Variants in FGF8 observed in about 807,000 individuals in gnomAD.
The protein encoded by FGF8 is fibroblast growth factor 8, also known as androgen-induced growth factor.
FGF8 carries 12 observed loss-of-function variants against 29.7 expected under a neutral mutation model. That is an observed-to-expected ratio of 0.40 (90% CI 0.26 to 0.65). FGF8 has a LOEUF of 0.65. Among genes scored for constraint, FGF8 ranks in the 30% least tolerant of loss-of-function variants. The pLI is 0.37. For missense variants in FGF8, 271 were observed against 345.1 expected, an observed-to-expected ratio of 0.79 and a Z score of 1.70; for synonymous variants, 157 against 144.4, an observed-to-expected ratio of 1.09 and a Z score of -0.63.
chr10:101,770,207 AG>A lies in FGF8; in HGVS notation c.*121del, dbSNP rs781665974. 2.4e-5 allele frequency: 22 copies of A among 908,556 alleles called. No homozygotes were observed. Among genetic ancestry groups the A allele is most frequent in the Middle Eastern group, 3.6e-4 (1 of 2,810 alleles). The allele number at this position is 908,556 out of a possible 1,614,324, so 56.3% of individuals were successfully genotyped here. On this transcript the variant is annotated 3_prime_UTR_variant, in exon 6 of 6. Transcript: ENST00000320185. ...CAAACAATATCAACAACCGGAACCC[AG>A]GGCTCCCCCAGCACCTCCCCAGCCT...
At chr10:101,776,323 C>G (rs1411186694), upstream of FGF8, among the ~76,000 whole-genome samples, 2 of 75,698 alleles carry the variant, frequency 2.6e-5, no homozygotes, top group African/African-American at 5.2e-5. Context: ...GGGCGGCCGA[C>G]GGGTTCGGGA....
Position 101,771,032 on chromosome 10 carries a change from A to T in FGF8, c.445-413T>A, listed in dbSNP as rs552961535. Among the ~76,000 whole-genome samples the T allele has an allele frequency of 2.4e-4, 36 of 151,966 alleles. No individual in the cohort carries two copies. Among genetic ancestry groups the T allele is most frequent in the African/African-American group, 8.5e-4 (35 of 41,392 alleles). ...GCCTGGGAGAAGATGCTAAGACCCC[A>T]GCCCCAGAAGCCCAGGAAGTGGGGA... On this transcript the variant is annotated intron_variant, in intron 5 of 5. Coordinates refer to ENST00000320185, the MANE Select transcript of FGF8 (RefSeq NM_033163.5). The surrounding 1 kb of genome is among the most constrained non-coding windows in gnomAD (Gnocchi z 5.3).
Position 101,771,513 on chromosome 10 carries a change from C to T in FGF8, c.394G>A (p.Glu132Lys), listed in dbSNP as rs781019978. The change falls in exon 5 of 6, where the codon GAG becomes AAG. Residue 132 changes from glutamate (E) to lysine (K), a missense_variant. Glu to Lys is a moderately conservative substitution (Grantham distance 56). Around this residue, in one of 3 missense-constraint regions of FGF8, gnomAD observed 168 missense variants for 207.0 expected, o/e 0.81. Transcript: ENST00000320185. The surrounding 1 kb of genome is among the most constrained non-coding windows in gnomAD (Gnocchi z 5.3). ...TTCATGCAGATGTAGAGGCCCGTCT[C>T]GGCTCCTCGGACTCGAACTCTGCTT... ...FGSRVRVRGA[E>K]TGLYICMNKK... 9 of 1,614,222 alleles carry T rather than the reference C, an allele frequency of 5.6e-6. No homozygotes were observed. The highest frequency in any genetic ancestry group is 3.3e-5 in the Admixed American group (2 of 60,022).
At chr10:101,774,965 G>A in intron 3 of FGF8, 53 bp from the exon 4 acceptor site, 1 of 1,595,816 alleles carries the variant, frequency 6.3e-7, no homozygotes, top group Non-Finnish European at 8.6e-7. Context: ...ACTCCGCCCA[G>A]GGGCCCGAGT....
At position 101,772,272 on chromosome 10, in the gene FGF8, C is replaced by A. The variant is rs2065036842; in HGVS notation, c.338-703G>T. Among the ~76,000 whole-genome samples the A allele has an allele frequency of 6.6e-6, 1 of 152,254 alleles. No homozygotes were observed. The highest frequency in any genetic ancestry group is 6.5e-5 in the Admixed American group (1 of 15,286). On this transcript the variant is annotated intron_variant, in intron 4 of 5. Coordinates refer to ENST00000320185, the MANE Select transcript of FGF8 (RefSeq NM_033163.5). This position sits in a 1 kb window ranked among gnomAD's most constrained non-coding sequence, Gnocchi z 4.4. ...CCTGTGGCTTCCCAGTCACCAGGGT[C>A]CCCAGCCCAGTGTCTAGAAATCAAC...
At chr10:101,776,734 T>C (rs2065099564), upstream of FGF8, among the ~76,000 whole-genome samples, 1 of 151,946 alleles carries the variant, frequency 6.6e-6, no homozygotes, top group African/African-American at 2.4e-5. Flanking sequence ...TTCGGCCGCG[T>C]GCCCCGTCCT....
Position 101,774,083 on chromosome 10 carries a change from A to G in FGF8, c.337+649T>C, listed in dbSNP as rs540384726. 1.4e-4 allele frequency among the ~76,000 whole-genome samples: 22 copies of G among 152,342 alleles called. No homozygotes were observed. In the East Asian group the frequency reaches 3.5e-3, roughly 24 times the overall value. ...GGCTTGCTTTTCTCTTGGTACATCCAGGACTCTGGAAATTGGCCCCGTTTC... is the reference window on the plus strand; with the variant it reads ...GGCTTGCTTTTCTCTTGGTACATCCGGGACTCTGGAAATTGGCCCCGTTTC... On this transcript the variant is annotated intron_variant, in intron 4 of 5. Coordinates refer to ENST00000320185, the MANE Select transcript of FGF8 (RefSeq NM_033163.5).
In FGF8 at chr10:101,775,177, C is replaced by G. The variant is rs749761471; in HGVS notation, c.109G>C (p.Ala37Pro). 1.3e-6 allele frequency: 2 copies of G among 1,548,352 alleles called. No homozygotes were observed. Residue 37 changes from alanine to proline, a missense_variant, in exon 3 of 6, where the codon GCT becomes CCT. Around this residue, in one of 3 missense-constraint regions of FGF8, gnomAD observed 168 missense variants for 207.0 expected, o/e 0.81. Coordinates refer to ENST00000320185, the MANE Select transcript of FGF8 (RefSeq NM_033163.5). The surrounding 1 kb of genome is among the most constrained non-coding windows in gnomAD (Gnocchi z 4.6). ...GRGPALGREL[A>P]SLFRAGREPQ... ...TCCCGGCCAGCCCGGAACAGGGAAG[C>G]GAGCTCCCTGCCCAGCGCAGGGCCC... is the stretch of plus-strand genomic sequence containing the variant.
At position 101,770,481 on chromosome 10, in the gene FGF8, G is replaced by A. The variant is rs548987968; in HGVS notation, c.583C>T (p.Arg195Trp). 10 of 1,613,432 alleles carry A rather than the reference G, an allele frequency of 6.2e-6. No individual in the cohort carries two copies. The African/African-American group carries it at 6.7e-5, about 11-fold the overall frequency. Residue 195 changes from arginine (R) to tryptophan (W), a missense_variant, in exon 6 of 6, where the codon CGG becomes TGG. This residue lies in a region of FGF8 where 41 missense variants were observed against 80.0 expected (regional missense o/e 0.51). Coordinates refer to ENST00000320185, the MANE Select transcript of FGF8 (RefSeq NM_033163.5). ...AAGTGGACCTCACGCTGGTGCTGCC[G>A]CGTCTTGGAGCCCTTGCGGGGCCGG... is the stretch of plus-strand genomic sequence containing the variant. ...KGRPRKGSKT[R>W]QHQREVHFMK...
chr10:101,773,272 G>A (rs750540097), intron 4 of FGF8, among the ~76,000 whole-genome samples: 7 of 152,154 alleles, frequency 4.6e-5, no homozygotes, highest in African/African-American at 7.2e-5. Context: ...TTCCCTCCCC[G>A]AAATCCAAGG....
rs1049570220 is a variant in FGF8 at position 101,771,189 on chromosome 10, G to A, written c.444+274C>T. Among the ~76,000 whole-genome samples, 2 of 152,176 alleles carry A rather than the reference G, an allele frequency of 1.3e-5. No individual in the cohort carries two copies. Among genetic ancestry groups the A allele is most frequent in the Non-Finnish European group, 2.9e-5 (2 of 68,024 alleles). On this transcript the variant is annotated intron_variant, in intron 5 of 5. Transcript: ENST00000320185. This position sits in a 1 kb window ranked among gnomAD's most constrained non-coding sequence, Gnocchi z 5.3. ...GGACATAATAGCAAAGCAATTTGGC[G>A]ATTTGTTAAAAAGATATATGGAATT... is the stretch of plus-strand genomic sequence containing the variant.
At position 101,775,700 on chromosome 10, in the gene FGF8, C is replaced by G. The variant is rs1345311618; in HGVS notation, c.69+40G>C. The G allele has an allele frequency of 6.5e-7, 1 of 1,539,288 alleles. No individual in the cohort carries two copies. Among genetic ancestry groups the G allele is most frequent in the Non-Finnish European group, 8.7e-7 (1 of 1,144,178 alleles). On this transcript the variant is annotated intron_variant, in intron 2 of 5. Transcript: ENST00000320185. This position sits in a 1 kb window ranked among gnomAD's most constrained non-coding sequence, Gnocchi z 4.6. ...CGGCGCTGCCCACCCGGGTCTCACA[C>G]CGGCGCGCCCGGCCCCCGCCTCCGC...
intron 4 of FGF8, among the ~76,000 whole-genome samples, chr10:101,773,632 T>C (rs2065052126): frequency 6.6e-6 from 1 of 152,142 alleles, no homozygotes; most frequent in Non-Finnish European, 1.5e-5. Flanking sequence ...TCCTCCAGCT[T>C]TGAAGGGAAG....
rs2065042210 is a variant in FGF8, at chr10:101,772,793, T to G, written c.338-1224A>C. 6.6e-6 allele frequency among the ~76,000 whole-genome samples: 1 copy of G among 152,162 alleles called. No individual in the cohort carries two copies. On this transcript the variant is annotated intron_variant, in intron 4 of 5. Coordinates refer to ENST00000320185, the MANE Select transcript of FGF8 (RefSeq NM_033163.5). The surrounding 1 kb of genome is among the most constrained non-coding windows in gnomAD (Gnocchi z 4.4). ...CACACAGGCTCAGTGCTGGGACCAG[T>G]GGCCAAGCCCCCGGTTTGGCCCCAA...
At position 101,775,827 on chromosome 10, in the gene FGF8, G is replaced by C; in HGVS notation, c.32+42C>G. On this transcript the variant is annotated intron_variant, in intron 1 of 5. Coordinates refer to ENST00000320185, the MANE Select transcript of FGF8 (RefSeq NM_033163.5). This position sits in a 1 kb window ranked among gnomAD's most constrained non-coding sequence, Gnocchi z 4.6. ...GAGAGAGGCGCGGGTGAGGCGAGGGGCGCGGGGGGCGGGTGGCGGGGCAGG... is the reference window on the plus strand; with the variant it reads ...GAGAGAGGCGCGGGTGAGGCGAGGGCCGCGGGGGGCGGGTGGCGGGGCAGG... The C allele has an allele frequency of 6.6e-7, 1 of 1,525,404 alleles. No homozygotes were observed. 94.5% of individuals were successfully genotyped at this position (1,525,404 alleles called of 1,614,324 possible).
chr10:101,770,162 A>C lies in FGF8; in HGVS notation c.*167T>G, dbSNP rs1210400783. ...GTTTTAAAAAAAAAAAAAAAAAAAA[A>C]AACAGCAAAAACCCAACAGCAAACA... On this transcript the variant is annotated 3_prime_UTR_variant, in exon 6 of 6. Transcript: ENST00000320185. 1 of 578,012 alleles carries C rather than the reference A, an allele frequency of 1.7e-6. No individual in the cohort carries two copies. The highest frequency in any genetic ancestry group is 2.9e-6 in the Non-Finnish European group (1 of 345,962). 35.8% of individuals were successfully genotyped at this position (578,012 alleles called of 1,614,324 possible).
Position 101,775,136 on chromosome 10 carries a change from G to A in FGF8, c.150C>T (p.Ser50=). 2 of 1,548,630 alleles carry A rather than the reference G, an allele frequency of 1.3e-6. No homozygotes were observed. Among genetic ancestry groups the A allele is most frequent in the Non-Finnish European group, 1.7e-6 (2 of 1,147,050 alleles). The change falls in exon 3 of 6, where the codon TCC becomes TCT. Residue 50 remains serine (S), a synonymous_variant. Transcript: ENST00000320185. This position sits in a 1 kb window ranked among gnomAD's most constrained non-coding sequence, Gnocchi z 4.6. ...FRAGREPQGV[S]QQVTVQSSPN... is the part of the protein sequence containing the mutation. ...AGGGAGAAGCTGGACCCACCTGTTG[G>A]GAGACACCCTGGGGCTCCCGGCCAG...
In FGF8 at chr10:101,775,741, T is replaced by C. The variant is rs1279824419; in HGVS notation, c.68A>G (p.Gln23Arg). ...LHLLVLCLQA[Q>R]EGPGRGPALG... is the part of the protein sequence containing the mutation. ...CCGCCTCCGCGCACCCCTCCTCACC[T>C]GGGCTTGGAGGCAGAGGACCAGCAA... The change falls in exon 2 of 6, where the codon CAG (glutamine) becomes CGG (arginine). Residue 23 changes from glutamine (Q) to arginine (R), a missense_variant and splice_region_variant. Transcript: ENST00000320185. The surrounding 1 kb of genome is among the most constrained non-coding windows in gnomAD (Gnocchi z 4.6). The C allele has an allele frequency of 1.2e-5, 18 of 1,543,850 alleles. No homozygotes were observed. The African/African-American group carries it at 2.2e-4, about 19-fold the overall frequency.
intron 4 of FGF8, among the ~76,000 whole-genome samples, chr10:101,773,315 C>T (rs542054581): frequency 6.6e-6 from 1 of 152,192 alleles, no homozygotes; most frequent in Admixed American, 6.5e-5. Flanking sequence ...AGAGCAAACC[C>T]TGGAAGAGCC....
Sources: gnomAD v4.1 joint callset for allele counts (sites outside exome capture counted in the v4.1 genomes callset) on GRCh38, gnomAD v4.1.1 for gene constraint, gnomAD v4.1.1 regional missense constraint, Gnocchi (gnomAD v3.1) non-coding constraint, MANE v1.5 for transcripts, NCBI Gene and HGNC (gene_info 2026-07-23, HGNC 2026-07-21) for gene names.